The following XKR4 variants were observed in gnomAD, a reference collection of about 807,000 sequenced individuals.
XKR4 encodes the protein XK-related protein 4.
In XKR4, 12 loss-of-function variants were observed where a neutral mutation model predicts 53.9. That is an observed-to-expected ratio of 0.22 (90% CI 0.14 to 0.36). XKR4 has a LOEUF of 0.36. Ranked by LOEUF, XKR4 falls within the 10% of genes least tolerant of loss-of-function variation. The pLI, the probability that XKR4 is intolerant of heterozygous loss-of-function variation, is 1.00. For synonymous variants in XKR4, 354 were observed against 362.4 expected, an observed-to-expected ratio of 0.98 and a Z score of 0.26; for missense variants, 799 against 859.5, an observed-to-expected ratio of 0.93 and a Z score of 0.88.
At chr8:55,106,628 T>A (rs1400457691) in intron 1 of XKR4, among the ~76,000 whole-genome samples, 2 of 152,196 alleles carry the variant, frequency 1.3e-5, no homozygotes, top group Non-Finnish European at 2.9e-5. Flanking sequence ...ATCAATTGCC[T>A]CCAAATGTCT....
At chr8:55,429,228 A>C (rs993324800) in intron 2 of XKR4, among the ~76,000 whole-genome samples, 1 of 152,222 alleles carries the variant, frequency 6.6e-6, no homozygotes, top group African/African-American at 2.4e-5. Context: ...AGGCAATAAC[A>C]AACAAAAACC....
intron 2 of XKR4, among the ~76,000 whole-genome samples, chr8:55,418,567 C>T (rs144100058): frequency 9.9e-5 from 15 of 152,270 alleles, no homozygotes; most frequent in Middle Eastern, 3.4e-3. Context: ...CTGGTCTAAC[C>T]GGCCTCCCCT....
intron 1 of XKR4, among the ~76,000 whole-genome samples, chr8:55,303,592 C>A (rs1426986311): frequency 6.6e-6 from 1 of 152,160 alleles, no homozygotes; most frequent in African/African-American, 2.4e-5. Flanking sequence ...CTCGTTGTAC[C>A]TCTGGTAGAA....
At chr8:55,363,658 A>G (rs567409744) in intron 2 of XKR4, among the ~76,000 whole-genome samples, 23 of 152,280 alleles carry the variant, frequency 1.5e-4, no homozygotes, top group African/African-American at 5.3e-4. Context: ...GACCTGGGTT[A>G]GAGAAAATCC....
intron 1 of XKR4, among the ~76,000 whole-genome samples, chr8:55,342,808 A>C (rs1207855753): frequency 6.6e-6 from 1 of 152,136 alleles, no homozygotes; most frequent in Non-Finnish European, 1.5e-5. Flanking sequence ...GTCTTACTTC[A>C]TTATTGGCAC....
At chr8:55,111,092 A>G (rs1371438700) in intron 1 of XKR4, among the ~76,000 whole-genome samples, 1 of 152,118 alleles carries the variant, frequency 6.6e-6, no homozygotes, top group Admixed American at 6.5e-5. Context: ...CCTTTTGGGA[A>G]TTGGACTAAA....
chr8:55,307,094 A>T (rs1395611560), intron 1 of XKR4, among the ~76,000 whole-genome samples: 2 of 152,180 alleles, frequency 1.3e-5, no homozygotes, highest in Non-Finnish European at 2.9e-5. Context: ...ATGAGTTCTT[A>T]GATTTGACAC....
chr8:55,166,100 A>G (rs953219371), intron 1 of XKR4, among the ~76,000 whole-genome samples: 1 of 152,204 alleles, frequency 6.6e-6, no homozygotes, highest in Admixed American at 6.5e-5. Context: ...TGCCTCTCAC[A>G]TGCAAATGAG....
rs1343368974 is a variant in XKR4 at position 55,102,410 on chromosome 8, G to C, written c.-79G>C. ...CCGCCTGGGAGGGAAGCCGGGGCGA[G>C]GCGAGGAGGTGGCGGGAGGAGGAGA... On this transcript the variant is annotated 5_prime_UTR_variant, in exon 1 of 3. Coordinates refer to ENST00000327381, the MANE Select transcript of XKR4 (RefSeq NM_052898.2). The surrounding 1 kb of genome is among the most constrained non-coding windows in gnomAD (Gnocchi z 5.1). The C allele has an allele frequency of 1.2e-5, 18 of 1,451,028 alleles. No individual in the cohort carries two copies. The South Asian group carries it at 1.7e-4, about 14-fold the overall frequency. 89.9% of individuals were successfully genotyped at this position (1,451,028 alleles called of 1,614,324 possible).
chr8:55,447,709 T>C (rs895922579), intron 2 of XKR4, among the ~76,000 whole-genome samples: 3 of 152,236 alleles, frequency 2.0e-5, no homozygotes, highest in African/African-American at 7.2e-5. Context: ...AAGATTGCAA[T>C]AAAATTCAGG....
At chr8:55,372,310 G>A (rs903768502) in intron 2 of XKR4, among the ~76,000 whole-genome samples, 1 of 152,186 alleles carries the variant, frequency 6.6e-6, no homozygotes, top group Admixed American at 6.5e-5. Context: ...ACACCTTAGA[G>A]GAAACAGAAG....
At chr8:55,170,416 G>A (rs574185859) in intron 1 of XKR4, among the ~76,000 whole-genome samples, 67 of 152,142 alleles carry the variant, frequency 4.4e-4, no homozygotes, top group Non-Finnish European at 8.1e-4. Flanking sequence ...GGAGATGGAG[G>A]TATGGGGACA....
rs539332784 is a variant in XKR4, at chr8:55,162,765, T to C, written c.806+59471T>C. Among the ~76,000 whole-genome samples, 141 of 152,312 alleles carry C rather than the reference T, an allele frequency of 9.3e-4. 1 individual carries two copies. The highest frequency in any genetic ancestry group is 3.3e-3 in the African/African-American group (136 of 41,566). On this transcript the variant is annotated intron_variant, in intron 1 of 2. Transcript: ENST00000327381. ...GTGAAATTGAACTACCCTTTCAATATTTAAACTACTTGGTTAGAAATGTCC... is the reference window on the plus strand; with the variant it reads ...GTGAAATTGAACTACCCTTTCAATACTTAAACTACTTGGTTAGAAATGTCC...
chr8:55,178,001 A>G (rs1265522802), intron 1 of XKR4, among the ~76,000 whole-genome samples: 5 of 152,212 alleles, frequency 3.3e-5, no homozygotes, highest in African/African-American at 1.2e-4. Flanking sequence ...CAAAATTTAT[A>G]TTATTAAGGA....
intron 1 of XKR4, among the ~76,000 whole-genome samples, chr8:55,147,446 T>C (rs1816785308): frequency 6.6e-6 from 1 of 152,190 alleles, no homozygotes; most frequent in South Asian, 2.1e-4. Context: ...GGAGAGCTAA[T>C]AACCTCTTTC....
rs77649350 is a variant in XKR4, at chr8:55,501,377, G to T, written c.1007-21904G>T. Among the ~76,000 whole-genome samples the T allele has an allele frequency of 3.7e-4, 57 of 152,260 alleles. No homozygotes were observed. In the East Asian group the frequency reaches 9.1e-3, roughly 24 times the overall value. Reference sequence around the variant, plus strand: ...ATTGAGTACATTCACACTGTTGTGAGACATTCACTACCATCCATCTCCAGA... The same window carrying T: ...ATTGAGTACATTCACACTGTTGTGATACATTCACTACCATCCATCTCCAGA... On this transcript the variant is annotated intron_variant, in intron 2 of 2. Transcript: ENST00000327381.
At chr8:55,257,739 G>T (rs996606171) in intron 1 of XKR4, among the ~76,000 whole-genome samples, 1 of 152,142 alleles carries the variant, frequency 6.6e-6, no homozygotes, top group African/African-American at 2.4e-5. Context: ...TGATACTGTG[G>T]CTTTTCACTC....
chr8:55,159,706 A>G (rs1816958571), intron 1 of XKR4, among the ~76,000 whole-genome samples: 1 of 152,248 alleles, frequency 6.6e-6, no homozygotes, highest in Non-Finnish European at 1.5e-5. Context: ...AAGGCAAGAT[A>G]AGATTCCATT....
chr8:55,272,090 G>A lies in XKR4; in HGVS notation c.807-85588G>A, dbSNP rs116983896. 2.5e-3 allele frequency among the ~76,000 whole-genome samples: 383 copies of A among 152,290 alleles called. 1 individual carries two copies. The highest frequency in any genetic ancestry group is 0.01 in the Middle Eastern group (3 of 294). On this transcript the variant is annotated intron_variant, in intron 1 of 2. Coordinates refer to ENST00000327381, the MANE Select transcript of XKR4 (RefSeq NM_052898.2). ...GGCAGTGGATGGTGGAGAGTTGGGT[G>A]CACAAGTGTTTAGGGAGAGTTTGAT...
Sources: allele counts gnomAD v4.1 joint callset (sites outside exome capture counted in the v4.1 genomes callset), GRCh38; gene constraint gnomAD v4.1.1; non-coding constraint Gnocchi (gnomAD v3.1); transcripts MANE v1.5; gene names NCBI Gene and HGNC (gene_info 2026-07-23, HGNC 2026-07-21).